The following RNF216 variants were observed in gnomAD, a reference collection of about 807,000 sequenced individuals.
RNF216 encodes the protein ring finger protein 216, also known as E3 ubiquitin-protein ligase RNF216.
A neutral mutation model predicts 110.8 loss-of-function variants in RNF216; 72 were observed. The ratio of observed to expected loss-of-function variants is 0.65; its 90% CI spans 0.54 to 0.79. RNF216 has a LOEUF of 0.79. RNF216 is among the 30% of genes least tolerant of loss of function. The pLI is 0.00. For synonymous variants in RNF216, 495 were observed against 407.5 expected (o/e 1.21, Z -2.59); for missense variants, 1,342 against 1,141.2 (o/e 1.18, Z -2.54).
chr7:5,756,115 T>G (rs957199023), intron 2 of RNF216, among the ~76,000 whole-genome samples: 2 of 74,872 alleles, frequency 2.7e-5, no homozygotes, highest in African/African-American at 7.0e-5. Context: ...CTCGTGATAG[T>G]GAGTGAGTCT....
intron 15 of RNF216, among the ~76,000 whole-genome samples, chr7:5,630,773 T>G (rs1787020431): frequency 6.6e-6 from 1 of 152,124 alleles, no homozygotes; most frequent in South Asian, 2.1e-4. Context: ...CACCAGCCCC[T>G]GTCTACACAC....
intron 2 of RNF216, among the ~76,000 whole-genome samples, chr7:5,753,814 G>GTGAAAC (rs1394972805): frequency 1.3e-5 from 2 of 152,102 alleles, no homozygotes; most frequent in Non-Finnish European, 2.9e-5. Flanking sequence ...GACGAACACG[G>GTGAAAC]TGAAACACCG....
intron 9 of RNF216, 82 bp from the exon 10 acceptor site, chr7:5,716,848 T>G: frequency 9.2e-7 from 1 of 1,081,352 alleles, no homozygotes; most frequent in Non-Finnish European, 1.4e-6. Flanking sequence ...TCCATAAACA[T>G]AACTCCAGTA....
At chr7:5,710,044 G>A (rs753765960) in intron 13 of RNF216, among the ~76,000 whole-genome samples, 2 of 152,160 alleles carry the variant, frequency 1.3e-5, no homozygotes, top group African/African-American at 2.4e-5. Flanking sequence ...ATGAGCCACT[G>A]GGCAACCAAT....
At chr7:5,687,896 C>T (rs1265313243) in intron 13 of RNF216, among the ~76,000 whole-genome samples, 1 of 152,208 alleles carries the variant, frequency 6.6e-6, no homozygotes, top group Non-Finnish European at 1.5e-5. Context: ...AACCAAGTCA[C>T]AAAGAGATAC....
At chr7:5,752,626 C>T (rs906869474) in intron 3 of RNF216, among the ~76,000 whole-genome samples, 1 of 152,042 alleles carries the variant, frequency 6.6e-6, no homozygotes, top group African/African-American at 2.4e-5. Flanking sequence ...GAATTTGGTG[C>T]GTTAATAGTC....
Position 5,641,263 on chromosome 7 carries a change from T to G in RNF216, c.2273A>C (p.Tyr758Ser). The G allele has an allele frequency of 6.2e-7, 1 of 1,614,086 alleles. No individual in the cohort carries two copies. Among genetic ancestry groups the G allele is most frequent in the Non-Finnish European group, 8.5e-7 (1 of 1,180,006 alleles). Reference protein sequence around the residue: ...MSCRCGAQMCYLCRVSINGYD... With the variant: ...MSCRCGAQMCSLCRVSINGYD... ...TCCATTAATAGAAACTCGACAGAGG[T>G]AGCACATCTGGGCACCACAGCGGCA... Residue 758 changes from tyrosine to serine, a missense_variant, in exon 15 of 17, where the codon TAC (tyrosine) becomes TCC (serine). Physicochemically the swap from Tyr to Ser is moderately radical, Grantham distance 144 (BLOSUM62 -2). Coordinates refer to ENST00000389902, the MANE Select transcript of RNF216 (RefSeq NM_207111.4).
rs192610581 is a variant in RNF216 at position 5,641,138 on chromosome 7, C to G, written c.2382+16G>C. The stretch of plus-strand genomic sequence containing the variant: ...TTTCTCCCTATAAAGCAATAGGCAG[C>G]CATGTGTCTACTTACAGTGGGATCG... On this transcript the variant is annotated intron_variant, in intron 15 of 16. Transcript: ENST00000389902. 32 of 1,563,744 alleles carry G rather than the reference C, an allele frequency of 2.0e-5. No individual in the cohort carries two copies. The Admixed American group carries it at 4.6e-4, about 22-fold the overall frequency.
chr7:5,628,569 C>CT (rs1458387311), intron 15 of RNF216, among the ~76,000 whole-genome samples: 1 of 152,130 alleles, frequency 6.6e-6, no homozygotes, highest in African/African-American at 2.4e-5. Flanking sequence ...GCTGTCCAGG[C>CT]TGGGGTGCAG....
At chr7:5,666,920 T>A (rs1186571557) in intron 13 of RNF216, among the ~76,000 whole-genome samples, 1 of 151,440 alleles carries the variant, frequency 6.6e-6, no homozygotes, top group Non-Finnish European at 1.5e-5. Flanking sequence ...GCTCAAGTGA[T>A]CCTGCCCCCT....
rs113812673 is a variant in RNF216 at position 5,751,871 on chromosome 7, G to GTTTT, written c.201+974_201+975insAAAA. Among the ~76,000 whole-genome samples, 288 of 119,722 alleles carry GTTTT rather than the reference G, an allele frequency of 2.4e-3. 3 individuals carry two copies. The highest frequency in any genetic ancestry group is 0.014 in the Middle Eastern group (3 of 222). The allele number at this position is 119,722 out of a possible 152,430, so 78.5% of individuals were successfully genotyped here. ...AAAAAAAAAAAGCAACAGATTTGTA[G>GTTTT]TTTAAAAAAAACAGTTTAAAAAGTA... On this transcript the variant is annotated intron_variant, in intron 3 of 16. Coordinates refer to ENST00000389902, the MANE Select transcript of RNF216 (RefSeq NM_207111.4).
intron 3 of RNF216, among the ~76,000 whole-genome samples, chr7:5,748,068 A>C (rs1284970317): frequency 6.6e-6 from 1 of 152,148 alleles, no homozygotes; most frequent in African/African-American, 2.4e-5. Context: ...CCATACCAAT[A>C]GGCGGTATCA....
At chr7:5,743,532 A>C (rs556693918) in intron 3 of RNF216, among the ~76,000 whole-genome samples, 1 of 152,348 alleles carries the variant, frequency 6.6e-6, no homozygotes, top group East Asian at 1.9e-4. Flanking sequence ...AGCTTCACTA[A>C]GAAATGCCAT....
intron 15 of RNF216, among the ~76,000 whole-genome samples, chr7:5,633,516 A>C (rs1385931186): frequency 2.0e-5 from 3 of 152,140 alleles, no homozygotes; most frequent in Non-Finnish European, 4.4e-5. Flanking sequence ...TTCAGGCTGC[A>C]GTGAGCCGAG....
At chr7:5,735,336 C>G (rs568320309) in intron 5 of RNF216, among the ~76,000 whole-genome samples, 2 of 152,024 alleles carry the variant, frequency 1.3e-5, no homozygotes, top group African/African-American at 4.8e-5. Flanking sequence ...CACAAGAAAA[C>G]TAGGCACCAT....
At chr7:5,776,238 G>C (rs1283801033) in intron 1 of RNF216, among the ~76,000 whole-genome samples, 1 of 152,042 alleles carries the variant, frequency 6.6e-6, no homozygotes, top group Non-Finnish European at 1.5e-5. Context: ...AATGGATTTT[G>C]TCTCAAAGAA....
intron 2 of RNF216, among the ~76,000 whole-genome samples, chr7:5,755,272 T>C (rs1398694075): frequency 6.6e-6 from 1 of 150,710 alleles, no homozygotes; most frequent in East Asian, 1.9e-4. Context: ...GGAAGGAACC[T>C]ATCACCTTAT....
intron 13 of RNF216, among the ~76,000 whole-genome samples, chr7:5,655,571 A>C (rs938951410): frequency 1.3e-5 from 2 of 151,940 alleles, no homozygotes; most frequent in African/African-American, 2.4e-5. Context: ...GCACCACTGC[A>C]CTCCAGCCTG....
chr7:5,734,865 T>TAAATAAATAAATAAATAAAA (rs1487679463), intron 5 of RNF216, among the ~76,000 whole-genome samples: 3 of 148,416 alleles, frequency 2.0e-5, no homozygotes, highest in East Asian at 2.0e-4. Context: ...AATAAATAAA[T>TAAATAAATAAATAAATAAAA]AAAAGGTTTG....
Sources: gnomAD v4.1 joint callset for allele counts (sites outside exome capture counted in the v4.1 genomes callset) on GRCh38, gnomAD v4.1.1 for gene constraint, MANE v1.5 for transcripts, NCBI Gene and HGNC (gene_info 2026-07-23, HGNC 2026-07-21) for gene names.